The following CHCHD6 variants were observed in gnomAD, a reference collection of about 807,000 sequenced individuals.
CHCHD6 encodes MICOS complex subunit MIC25.
A neutral mutation model predicts 32.3 loss-of-function variants in CHCHD6; 28 were observed. The ratio of observed to expected loss-of-function variants is 0.87; its 90% CI spans 0.64 to 1.19. CHCHD6 has a LOEUF of 1.19. Among genes scored for constraint, CHCHD6 ranks in the 50% most tolerant of loss-of-function variants. The probability of loss-of-function intolerance (pLI) is 0.00; values close to 1 mark genes in which losing one functional copy is unlikely to be tolerated. For missense variants in CHCHD6, 333 were observed against 307.0 expected (o/e 1.08, Z -0.63); for synonymous variants, 122 against 117.5 (o/e 1.04, Z -0.25).
At chr3:126,955,322 G>A (rs1298320275) in intron 6 of CHCHD6, among the ~76,000 whole-genome samples, 1 of 152,268 alleles carries the variant, frequency 6.6e-6, no homozygotes, top group Non-Finnish European at 1.5e-5. Flanking sequence ...GCAGAGGACT[G>A]CACACCAGGG....
At chr3:126,765,826 C>A (rs1347767968) in intron 4 of CHCHD6, among the ~76,000 whole-genome samples, 1 of 152,220 alleles carries the variant, frequency 6.6e-6, no homozygotes, top group Non-Finnish European at 1.5e-5. Flanking sequence ...TAAACACAGA[C>A]TCCCAATCCC....
chr3:126,836,643 A>G (rs1173892539), intron 4 of CHCHD6, among the ~76,000 whole-genome samples: 1 of 152,210 alleles, frequency 6.6e-6, no homozygotes, highest in African/African-American at 2.4e-5. Flanking sequence ...GTGAAACAGC[A>G]GTGGGGACAC....
rs369976020 is a variant in CHCHD6 at position 126,960,252 on chromosome 3, G to C, written c.*51G>C. The C allele has an allele frequency of 2.9e-4, 453 of 1,549,944 alleles. No homozygotes were observed. Among genetic ancestry groups the C allele is most frequent in the Admixed American group, 1.8e-3 (91 of 51,006 alleles). On this transcript the variant is annotated 3_prime_UTR_variant, in exon 8 of 8. Transcript: ENST00000290913. ...GCAGTGACTTGGAGCCCTGAAGAAG[G>C]GACCAATCATGGGACCACAGCCACT...
chr3:126,865,009 A>T (rs1157701032), intron 5 of CHCHD6, among the ~76,000 whole-genome samples: 6 of 139,052 alleles, frequency 4.3e-5, no homozygotes, highest in African/African-American at 1.6e-4. Context: ...TTCTTCCTCC[A>T]CCACCACCAC....
chr3:126,959,543 A>G (rs566282849), intron 7 of CHCHD6, among the ~76,000 whole-genome samples: 1 of 152,192 alleles, frequency 6.6e-6, no homozygotes, highest in East Asian at 1.9e-4. Context: ...TTGCTTATGC[A>G]AGGGGCCAAA....
chr3:126,883,301 T>G (rs1192208292), intron 5 of CHCHD6, among the ~76,000 whole-genome samples: 1 of 152,188 alleles, frequency 6.6e-6, no homozygotes, highest in Non-Finnish European at 1.5e-5. Flanking sequence ...CGAAGCCGAT[T>G]GGTCAGAAGT....
At chr3:126,912,706 T>C (rs1223822906) in intron 5 of CHCHD6, among the ~76,000 whole-genome samples, 1 of 152,198 alleles carries the variant, frequency 6.6e-6, no homozygotes, top group African/African-American at 2.4e-5. Context: ...CACCTGGTGG[T>C]TCTTCCTCAT....
chr3:126,894,337 A>G (rs1576567611), intron 5 of CHCHD6, among the ~76,000 whole-genome samples: 1 of 152,206 alleles, frequency 6.6e-6, no homozygotes. Flanking sequence ...AATGAAGTCC[A>G]TGGTCTTTTT....
chr3:126,949,602 C>T (rs540752042), intron 6 of CHCHD6: 20 of 153,350 alleles, frequency 1.3e-4, no homozygotes, highest in African/African-American at 5.3e-4. Flanking sequence ...CCGCCGTGGA[C>T]GGAAGGGAAG....
chr3:126,824,884 T>G (rs1286765061), intron 4 of CHCHD6, among the ~76,000 whole-genome samples: 1 of 152,032 alleles, frequency 6.6e-6, no homozygotes, highest in Non-Finnish European at 1.5e-5. Context: ...CGGCCTGACT[T>G]TCTTGATTTT....
chr3:126,889,711 C>T (rs184282476), intron 5 of CHCHD6, among the ~76,000 whole-genome samples: 1 of 152,360 alleles, frequency 6.6e-6, no homozygotes, highest in East Asian at 1.9e-4. Context: ...ATCTTTCTTT[C>T]CCTCTGCCTT....
At chr3:126,744,385 G>A (rs2107664815) in intron 4 of CHCHD6, among the ~76,000 whole-genome samples, 2 of 152,324 alleles carry the variant, frequency 1.3e-5, no homozygotes, top group Admixed American at 6.5e-5. Flanking sequence ...GAATCGAAAA[G>A]GGTTATTTGG....
chr3:126,791,062 G>T (rs538944030), intron 4 of CHCHD6, among the ~76,000 whole-genome samples: 1 of 152,328 alleles, frequency 6.6e-6, no homozygotes, highest in African/African-American at 2.4e-5. Context: ...TCAGCTGCAG[G>T]TCTGTTGGAG....
At chr3:126,931,166 C>T (rs758902845) in intron 6 of CHCHD6, among the ~76,000 whole-genome samples, 9 of 152,236 alleles carry the variant, frequency 5.9e-5, no homozygotes, top group Non-Finnish European at 8.8e-5. Context: ...GCACCCAAAG[C>T]CCTGACTGGC....
intron 4 of CHCHD6, among the ~76,000 whole-genome samples, chr3:126,837,198 T>C (rs539861329): frequency 9.8e-5 from 15 of 152,318 alleles, no homozygotes; most frequent in Non-Finnish European, 1.9e-4. Context: ...ACTTTAAAAC[T>C]TTACCTCTGC....
chr3:126,794,528 G>A (rs1938699908), intron 4 of CHCHD6, among the ~76,000 whole-genome samples: 1 of 151,072 alleles, frequency 6.6e-6, no homozygotes. Context: ...TTTAAATTGG[G>A]TTCATTTCCT....
intron 4 of CHCHD6, among the ~76,000 whole-genome samples, chr3:126,761,800 G>C (rs1198888308): frequency 6.6e-6 from 1 of 152,154 alleles, no homozygotes; most frequent in Admixed American, 6.5e-5. Flanking sequence ...TCCTTGTTGG[G>C]AGGTTTTTGA....
chr3:126,923,694 A>G (rs916764287), intron 6 of CHCHD6, among the ~76,000 whole-genome samples: 3 of 152,262 alleles, frequency 2.0e-5, no homozygotes, highest in Non-Finnish European at 4.4e-5. Flanking sequence ...GTCGGATGAC[A>G]TAAATGCTGA....
intron 6 of CHCHD6, chr3:126,957,152 G>A (rs952214127): frequency 2.1e-5 from 11 of 535,448 alleles, no homozygotes; most frequent in East Asian, 1.6e-4. Context: ...GAAGGAGCCC[G>A]GTGTGGAGCC....
Sources: allele counts gnomAD v4.1 joint callset (sites outside exome capture counted in the v4.1 genomes callset), GRCh38; gene constraint gnomAD v4.1.1; transcripts MANE v1.5; gene names NCBI Gene and HGNC (gene_info 2026-07-23, HGNC 2026-07-21).